Variants in KCNH1 observed in about 807,000 individuals in gnomAD.
KCNH1 encodes potassium voltage-gated channel subfamily H member 1.
Under a neutral mutation model 69.2 loss-of-function variants are expected in KCNH1, and 27 were observed. That is an observed-to-expected ratio of 0.39 (90% CI 0.29 to 0.54). KCNH1 has a LOEUF of 0.54. Among genes scored for constraint, KCNH1 ranks in the 20% least tolerant of loss-of-function variants. The pLI is 0.68. For synonymous variants in KCNH1, 456 were observed against 487.7 expected (o/e 0.93, Z 0.86); for missense variants, 798 against 1,261.6 (o/e 0.63, Z 5.57).
chr1:210,943,264 C>G (rs1008282284), intron 6 of KCNH1, among the ~76,000 whole-genome samples: 3 of 152,100 alleles, frequency 2.0e-5, no homozygotes, highest in African/African-American at 4.8e-5. Context: ...CCCACTCACT[C>G]AAAAAATTCT....
At chr1:211,003,260 T>C (rs1689222517) in intron 6 of KCNH1, among the ~76,000 whole-genome samples, 1 of 152,146 alleles carries the variant, frequency 6.6e-6, no homozygotes, top group African/African-American at 2.4e-5. Context: ...AGATCACCAA[T>C]GAGGAGAACT....
At chr1:210,837,720 G>T (rs1419446942) in intron 7 of KCNH1, among the ~76,000 whole-genome samples, 2 of 152,018 alleles carry the variant, frequency 1.3e-5, no homozygotes, top group Admixed American at 1.3e-4. Context: ...GCAATTATAG[G>T]CTATACGATT....
intron 1 of KCNH1, among the ~76,000 whole-genome samples, chr1:211,117,007 A>G (rs1048254514): frequency 6.6e-6 from 1 of 152,242 alleles, no homozygotes; most frequent in Non-Finnish European, 1.5e-5. Flanking sequence ...ATTAATAAGA[A>G]TCAAACCTCC....
chr1:210,977,402 C>T (rs1244947081), intron 6 of KCNH1, among the ~76,000 whole-genome samples: 8 of 151,970 alleles, frequency 5.3e-5, no homozygotes, highest in Non-Finnish European at 1.2e-4. Flanking sequence ...ATGTAACAAA[C>T]CTGCACGTTG....
intron 10 of KCNH1, among the ~76,000 whole-genome samples, chr1:210,738,106 C>G (rs1682922386): frequency 6.6e-6 from 1 of 152,160 alleles, no homozygotes; most frequent in Admixed American, 6.5e-5. Flanking sequence ...CTCTCATTCA[C>G]TCCCCCCGCA....
intron 5 of KCNH1, among the ~76,000 whole-genome samples, chr1:211,067,398 G>A (rs1451235218): frequency 6.6e-6 from 1 of 152,208 alleles, no homozygotes; most frequent in Non-Finnish European, 1.5e-5. Context: ...CAAGAAGGTG[G>A]CTAAGGGCCT....
intron 10 of KCNH1, among the ~76,000 whole-genome samples, chr1:210,696,264 G>A (rs1184781084): frequency 2.6e-5 from 4 of 152,252 alleles, no homozygotes; most frequent in Non-Finnish European, 5.9e-5. Context: ...CAAAGCTAGG[G>A]CCCCTCCTCC....
chr1:210,986,304 G>A (rs1688833000), intron 6 of KCNH1, among the ~76,000 whole-genome samples: 1 of 152,172 alleles, frequency 6.6e-6, no homozygotes, highest in African/African-American at 2.4e-5. Flanking sequence ...ATATTGTTAT[G>A]TGTGAATTTG....
intron 7 of KCNH1, among the ~76,000 whole-genome samples, chr1:210,824,667 C>G (rs1254013146): frequency 6.6e-6 from 1 of 152,114 alleles, no homozygotes; most frequent in Non-Finnish European, 1.5e-5. Context: ...AAGGGAGGAG[C>G]ATTTTAATAG....
chr1:210,959,886 G>A (rs1331257959), intron 6 of KCNH1, among the ~76,000 whole-genome samples: 1 of 152,210 alleles, frequency 6.6e-6, no homozygotes, highest in African/African-American at 2.4e-5. Context: ...GCCCCGCCCT[G>A]CTTCAGCTCG....
chr1:210,912,849 A>G (rs903380921), intron 7 of KCNH1, among the ~76,000 whole-genome samples: 1 of 152,258 alleles, frequency 6.6e-6, no homozygotes, highest in Admixed American at 6.5e-5. Flanking sequence ...GAGAAGAGAA[A>G]GAGCAAGATG....
chr1:210,806,820 A>ATATATATATATATATAT, intron 7 of KCNH1, among the ~76,000 whole-genome samples: 2 of 23,698 alleles, frequency 8.4e-5, no homozygotes, highest in South Asian at 5.1e-3. Flanking sequence ...AAAAAAAAAA[A>ATATATATATATATATAT]AAAAAAAAAA....
In KCNH1 at chr1:210,762,157, TA is replaced by T. The variant is rs112813536; in HGVS notation, c.2112+13190del. Among the ~76,000 whole-genome samples the T allele has an allele frequency of 1.7e-4, 26 of 151,246 alleles. 1 individual carries two copies. In the South Asian group the frequency reaches 5.0e-3, roughly 29 times the overall value. The stretch of plus-strand genomic sequence containing the variant: ...TAAAAAACAAAATTAAGGCAGAAAT[TA>T]AAAAAAAATTCTTCGAAACAAATGA... On this transcript the variant is annotated intron_variant, in intron 10 of 10. Coordinates refer to ENST00000271751, the MANE Select transcript of KCNH1 (RefSeq NM_172362.3).
intron 5 of KCNH1, among the ~76,000 whole-genome samples, chr1:211,068,711 C>T (rs930307271): frequency 2.0e-5 from 3 of 152,116 alleles, no homozygotes; most frequent in Admixed American, 2.0e-4. Context: ...TTCTTAGATA[C>T]ATCAGAGAAG....
chr1:210,792,541 G>A (rs1437795222), intron 9 of KCNH1, among the ~76,000 whole-genome samples: 1 of 152,042 alleles, frequency 6.6e-6, no homozygotes, highest in East Asian at 1.9e-4. Context: ...TAGAAACAGA[G>A]GAGGCCTTTG....
Position 211,018,938 on chromosome 1 carries a change from T to A in KCNH1, c.877A>T (p.Lys293Ter). The A allele has an allele frequency of 6.2e-7, 1 of 1,613,996 alleles. No individual in the cohort carries two copies. The highest frequency in any genetic ancestry group is 8.5e-7 in the Non-Finnish European group (1 of 1,179,982). ...DPKLIRMNYLKTWFVIDLLSC... is the reference protein window; with the variant it reads ...DPKLIRMNYL ...AGAAGGTCAATCACAAACCACGTCTTCAGGTAGTTCATGCGGATAAGTTTG... is the reference window on the plus strand; with the variant it reads ...AGAAGGTCAATCACAAACCACGTCTACAGGTAGTTCATGCGGATAAGTTTG... Residue 293 changes from lysine (K) to a stop codon, truncating the protein, a stop_gained, in exon 6 of 11, where the codon AAG becomes TAG. Coordinates refer to ENST00000271751, the MANE Select transcript of KCNH1 (RefSeq NM_172362.3). LOFTEE classifies it high-confidence loss of function.
chr1:211,060,652 A>G (rs1380576140), intron 5 of KCNH1, among the ~76,000 whole-genome samples: 1 of 152,054 alleles, frequency 6.6e-6, no homozygotes, highest in African/African-American at 2.4e-5. Flanking sequence ...TTGCTGAAAT[A>G]GAAAGGATCA....
At chr1:211,035,735 C>T (rs1689885158) in intron 5 of KCNH1, among the ~76,000 whole-genome samples, 1 of 152,090 alleles carries the variant, frequency 6.6e-6, no homozygotes, top group South Asian at 2.1e-4. Flanking sequence ...ATGGAAATTC[C>T]ATGGAGTGAG....
chr1:210,912,317 G>T (rs1471608289), intron 7 of KCNH1, among the ~76,000 whole-genome samples: 1 of 152,154 alleles, frequency 6.6e-6, no homozygotes, highest in East Asian at 1.9e-4. Context: ...GAACAGTGAA[G>T]CCTGGGAGGA....
Sources: allele counts gnomAD v4.1 joint callset (sites outside exome capture counted in the v4.1 genomes callset), GRCh38; gene constraint gnomAD v4.1.1; transcripts MANE v1.5; gene names NCBI Gene and HGNC (gene_info 2026-07-23, HGNC 2026-07-21).